Variants in FGF14 observed in about 807,000 individuals in gnomAD.
The protein encoded by FGF14 is fibroblast growth factor homologous factor 4.
Under a neutral mutation model 25.5 loss-of-function variants are expected in FGF14, and 5 were observed. The observed-to-expected ratio is 0.20, with a 90% confidence interval of 0.10 to 0.41. FGF14 has a LOEUF of 0.41. FGF14 is among the 10% of genes least tolerant of loss of function. The probability of loss-of-function intolerance (pLI) is 1.00; values close to 1 mark genes in which losing one functional copy is unlikely to be tolerated. For synonymous variants in FGF14, 138 were observed against 118.3 expected (o/e 1.17, Z -1.08); for missense variants, 222 against 320.1 (o/e 0.69, Z 2.34).
chr13:102,064,373 G>A (rs1282199285), intron 1 of FGF14, among the ~76,000 whole-genome samples: 1 of 152,084 alleles, frequency 6.6e-6, no homozygotes, highest in Non-Finnish European at 1.5e-5. Context: ...TTCCTAGTCA[G>A]AGTACACTGA....
At chr13:102,032,744 G>C (rs1566597260) in intron 1 of FGF14, among the ~76,000 whole-genome samples, 1 of 152,112 alleles carries the variant, frequency 6.6e-6, no homozygotes, top group African/African-American at 2.4e-5. Flanking sequence ...ACTGACCCTT[G>C]CAGATGCACT....
chr13:102,055,984 T>C (rs1414978523), intron 1 of FGF14, among the ~76,000 whole-genome samples: 1 of 152,170 alleles, frequency 6.6e-6, no homozygotes, highest in Non-Finnish European at 1.5e-5. Flanking sequence ...ATGAGACTTA[T>C]TCACTACCAC....
At position 101,739,106 on chromosome 13, in the gene FGF14, T is replaced by C. The variant is rs796372970; in HGVS notation, c.409-12296A>G. ...CTTTAACAGTATATATATATATATA[T>C]ACATGTATATATATATATATATATA... On this transcript the variant is annotated intron_variant, in intron 3 of 4. Transcript: ENST00000376143. 3.2e-4 allele frequency among the ~76,000 whole-genome samples: 20 copies of C among 62,320 alleles called. 1 individual carries two copies. The highest frequency in any genetic ancestry group is 2.8e-4 in the Non-Finnish European group (8 of 28,736). 40.9% of individuals were successfully genotyped at this position (62,320 alleles called of 152,430 possible).
At chr13:102,264,361 C>A (rs189211391) in intron 1 of FGF14, among the ~76,000 whole-genome samples, 1 of 152,128 alleles carries the variant, frequency 6.6e-6, no homozygotes, top group Non-Finnish European at 1.5e-5. Flanking sequence ...CTACTATTGA[C>A]ATGGAAAGCA....
chr13:102,103,221 G>A (rs1006760603), intron 1 of FGF14, among the ~76,000 whole-genome samples: 4 of 152,004 alleles, frequency 2.6e-5, no homozygotes, highest in Non-Finnish European at 4.4e-5. Context: ...CAGGCTCACA[G>A]GCTAAAAGTA....
intron 1 of FGF14, among the ~76,000 whole-genome samples, chr13:102,232,819 A>G (rs1249359711): frequency 1.3e-5 from 2 of 152,272 alleles, no homozygotes; most frequent in Admixed American, 6.5e-5. Flanking sequence ...GATGAGTATT[A>G]GAAAACCCTG....
At chr13:101,771,367 G>GC (rs1211656782) in intron 3 of FGF14, among the ~76,000 whole-genome samples, 3 of 120,178 alleles carry the variant, frequency 2.5e-5, no homozygotes, top group Non-Finnish European at 6.1e-5. Flanking sequence ...TGTGAAAAAT[G>GC]CCCCCCCACC....
At chr13:102,291,490 G>T (rs918418217) in intron 1 of FGF14, among the ~76,000 whole-genome samples, 3 of 152,124 alleles carry the variant, frequency 2.0e-5, no homozygotes, top group African/African-American at 7.2e-5. Context: ...TTCCTTCCCC[G>T]TGTCAAGAAT....
intron 1 of FGF14, among the ~76,000 whole-genome samples, chr13:102,242,985 A>G (rs2051678627): frequency 6.6e-6 from 1 of 152,134 alleles, no homozygotes; most frequent in South Asian, 2.1e-4. Flanking sequence ...TATCAATGGA[A>G]GTGAGTAAAA....
At chr13:102,304,608 A>T (rs2055269917) in intron 1 of FGF14, among the ~76,000 whole-genome samples, 1 of 152,146 alleles carries the variant, frequency 6.6e-6, no homozygotes, top group Admixed American at 6.5e-5. Context: ...ATCAAATAAG[A>T]TAACCTGTGT....
intron 1 of FGF14, among the ~76,000 whole-genome samples, chr13:102,330,168 C>T (rs1269505255): frequency 6.6e-6 from 1 of 152,150 alleles, no homozygotes; most frequent in Admixed American, 6.5e-5. Flanking sequence ...TCAGCAGAGC[C>T]TCCCTGTCTG....
chr13:101,711,342 T>A lies in FGF14; in HGVS notation c.*11489A>T, dbSNP rs1218838442. Reference sequence around the variant, plus strand: ...ACAGTGATACTTCTTGGGTCCCACATCTTCCAAAGAAGTCCAGCATACACA... The same window carrying A: ...ACAGTGATACTTCTTGGGTCCCACAACTTCCAAAGAAGTCCAGCATACACA... On this transcript the variant is annotated 3_prime_UTR_variant, in exon 5 of 5. Transcript: ENST00000376143. The A allele has an allele frequency of 6.6e-6, 1 of 152,264 alleles. No individual in the cohort carries two copies. Among genetic ancestry groups the A allele is most frequent in the Non-Finnish European group, 1.5e-5 (1 of 68,034 alleles). The allele number at this position is 152,264 out of a possible 1,614,324, so 9.4% of individuals were successfully genotyped here. A position where few individuals can be genotyped will look rare whatever the true frequency, so the allele number is the denominator to read the frequency against.
intron 1 of FGF14, among the ~76,000 whole-genome samples, chr13:102,370,964 T>G (rs187030880): frequency 2.8e-4 from 43 of 151,546 alleles, no homozygotes; most frequent in Admixed American, 8.5e-4. Context: ...ACAGAAAAAT[T>G]GTTCAAATCC....
At chr13:102,093,262 G>C (rs7324316) in intron 1 of FGF14, among the ~76,000 whole-genome samples, 46,568 of 151,834 alleles carry the variant, frequency 0.31, 8,581 homozygotes, top group Non-Finnish European at 0.41. Flanking sequence ...TTGATGATTT[G>C]CTACCATAAA....
At chr13:101,939,172 T>C (rs1399604424) in intron 1 of FGF14, among the ~76,000 whole-genome samples, 2 of 152,216 alleles carry the variant, frequency 1.3e-5, no homozygotes, top group Non-Finnish European at 2.9e-5. Context: ...AAAACCTATA[T>C]TGATCTCTAA....
chr13:102,163,660 G>C (rs78480031), intron 1 of FGF14, among the ~76,000 whole-genome samples: 7,886 of 152,140 alleles, frequency 0.052, 408 homozygotes, highest in East Asian at 0.21. Flanking sequence ...GATCTGGCTG[G>C]CTGCAAAGGC....
chr13:101,962,219 CCTCT>C (rs1354268671), intron 1 of FGF14, among the ~76,000 whole-genome samples: 1 of 151,978 alleles, frequency 6.6e-6, no homozygotes, highest in Non-Finnish European at 1.5e-5. Context: ...ACATTTGTGT[CCTCT>C]CTGATTTCCT....
At chr13:102,098,763 C>A (rs1017877519) in intron 1 of FGF14, among the ~76,000 whole-genome samples, 3 of 152,128 alleles carry the variant, frequency 2.0e-5, no homozygotes, top group African/African-American at 7.2e-5. Context: ...TTGACTAGTG[C>A]GCTTTTAGGA....
chr13:102,317,096 G>C (rs2056061799), intron 1 of FGF14, among the ~76,000 whole-genome samples: 1 of 152,046 alleles, frequency 6.6e-6, no homozygotes, highest in African/African-American at 2.4e-5. Context: ...ACCGATGTCA[G>C]TATGCCTGCC....
Sources: allele counts gnomAD v4.1 joint callset (sites outside exome capture counted in the v4.1 genomes callset), GRCh38; gene constraint gnomAD v4.1.1; transcripts MANE v1.5; gene names NCBI Gene and HGNC (gene_info 2026-07-23, HGNC 2026-07-21).